Variants in CNTNAP2 observed in about 807,000 individuals in gnomAD.
CNTNAP2 encodes contactin associated protein 2, also known as contactin-associated protein-like 2.
A neutral mutation model predicts 155.2 loss-of-function variants in CNTNAP2; 98 were observed. The observed-to-expected ratio is 0.63, with a 90% CI of 0.54 to 0.75. The LOEUF (loss-of-function observed/expected upper bound fraction) is 0.75, where lower values mean the gene tolerates loss of function less well. CNTNAP2 is among the 30% of genes least tolerant of loss of function. The probability of loss-of-function intolerance (pLI) is 0.00; values close to 1 mark genes in which losing one functional copy is unlikely to be tolerated. For missense variants in CNTNAP2, 1,727 were observed against 1,688.1 expected (o/e 1.02, Z -0.40); for synonymous variants, 651 against 631.2 (o/e 1.03, Z -0.47).
intron 1 of CNTNAP2, among the ~76,000 whole-genome samples, chr7:146,651,415 G>A (rs754785376): frequency 6.6e-6 from 1 of 152,100 alleles, no homozygotes; most frequent in African/African-American, 2.4e-5. Flanking sequence ...ATGTATAAAT[G>A]CTATTTCACA....
intron 9 of CNTNAP2, among the ~76,000 whole-genome samples, chr7:147,316,418 A>G (rs1917597): frequency 0.53 from 79,864 of 151,920 alleles, 21,799 homozygotes; most frequent in East Asian, 0.73. Context: ...TGAGGTTAGC[A>G]TCATCAAGGG....
At chr7:146,260,912 C>T (rs1799909920) in intron 1 of CNTNAP2, among the ~76,000 whole-genome samples, 1 of 152,118 alleles carries the variant, frequency 6.6e-6, no homozygotes, top group African/African-American at 2.4e-5. Flanking sequence ...TATGGTTGGG[C>T]TCTGTGTTCC....
At chr7:147,523,593 G>C (rs1799266301) in intron 11 of CNTNAP2, among the ~76,000 whole-genome samples, 1 of 152,116 alleles carries the variant, frequency 6.6e-6, no homozygotes, top group Admixed American at 6.5e-5. Flanking sequence ...TCCTCTTCCA[G>C]GAAGCTCCCT....
At chr7:146,250,481 T>G (rs1175822890) in intron 1 of CNTNAP2, among the ~76,000 whole-genome samples, 1 of 152,178 alleles carries the variant, frequency 6.6e-6, no homozygotes, top group Non-Finnish European at 1.5e-5. Flanking sequence ...CTGTGTCTTG[T>G]CTATCTTGGT....
intron 20 of CNTNAP2, among the ~76,000 whole-genome samples, chr7:148,254,613 A>T (rs983494332): frequency 2.0e-5 from 3 of 152,032 alleles, no homozygotes; most frequent in African/African-American, 7.2e-5. Context: ...CGTCTCAACT[A>T]AAAATACAAA....
chr7:147,699,843 C>T (rs1290771338), intron 13 of CNTNAP2, among the ~76,000 whole-genome samples: 1 of 152,120 alleles, frequency 6.6e-6, no homozygotes, highest in Non-Finnish European at 1.5e-5. Flanking sequence ...CTCCCCACTC[C>T]CAGCTCCTTC....
Position 146,487,442 on chromosome 7 carries a change from A to C in CNTNAP2, c.98-286829A>C, listed in dbSNP as rs193127669. On this transcript the variant is annotated intron_variant, in intron 1 of 23. Coordinates refer to ENST00000361727, the MANE Select transcript of CNTNAP2 (RefSeq NM_014141.6). ...CTCTTCTTTTAAAATGGCAAAGTGC[A>C]ATGTCCTCCTAAGGAAGCTATGCTT... Among the ~76,000 whole-genome samples the C allele has an allele frequency of 5.3e-5, 8 of 152,312 alleles. No homozygotes were observed. The East Asian group carries it at 1.5e-3, about 29-fold the overall frequency.
intron 1 of CNTNAP2, among the ~76,000 whole-genome samples, chr7:146,204,543 C>T (rs1043174009): frequency 6.6e-6 from 1 of 151,908 alleles, no homozygotes. Context: ...ATGAAAATTG[C>T]CCAAATTCCA....
intron 1 of CNTNAP2, among the ~76,000 whole-genome samples, chr7:146,554,380 C>G (rs577118748): frequency 6.6e-6 from 1 of 152,220 alleles, no homozygotes; most frequent in South Asian, 2.1e-4. Context: ...ATATTTTGCT[C>G]CATAATAATT....
At chr7:147,812,245 C>T (rs2116608462) in intron 13 of CNTNAP2, among the ~76,000 whole-genome samples, 1 of 152,266 alleles carries the variant, frequency 6.6e-6, no homozygotes, top group South Asian at 2.1e-4. Context: ...GGCCGGTGTT[C>T]AGGAGTAAAC....
At chr7:147,039,793 A>G (rs763620241) in intron 3 of CNTNAP2, among the ~76,000 whole-genome samples, 6 of 152,214 alleles carry the variant, frequency 3.9e-5, no homozygotes, top group Non-Finnish European at 4.4e-5. Flanking sequence ...GCTCACCAAC[A>G]GTGTATAAGT....
chr7:146,482,657 C>T (rs1051638465), intron 1 of CNTNAP2, among the ~76,000 whole-genome samples: 8 of 151,794 alleles, frequency 5.3e-5, no homozygotes, highest in African/African-American at 1.4e-4. Flanking sequence ...GCAGGAGAAT[C>T]GCTTGAACCT....
At chr7:147,259,134 G>C (rs1804398942) in intron 8 of CNTNAP2, among the ~76,000 whole-genome samples, 1 of 152,178 alleles carries the variant, frequency 6.6e-6, no homozygotes, top group Admixed American at 6.5e-5. Context: ...ATGTATTTAA[G>C]TCTGTTCTCT....
chr7:148,346,520 C>T (rs1417741665), intron 21 of CNTNAP2, among the ~76,000 whole-genome samples: 2 of 152,120 alleles, frequency 1.3e-5, no homozygotes, highest in Non-Finnish European at 2.9e-5. Flanking sequence ...GCCTTTAATC[C>T]CAGCACTTTG....
intron 3 of CNTNAP2, among the ~76,000 whole-genome samples, chr7:146,978,280 G>T (rs531622020): frequency 6.8e-4 from 103 of 152,238 alleles, no homozygotes; most frequent in African/African-American, 2.4e-3. Flanking sequence ...AAGTGATAAG[G>T]TGGTTCAGTG....
At chr7:148,405,285 G>A (rs1267552667) in intron 22 of CNTNAP2, among the ~76,000 whole-genome samples, 1 of 152,084 alleles carries the variant, frequency 6.6e-6, no homozygotes. Flanking sequence ...CAAAACAATC[G>A]TGGAATATTT....
intron 1 of CNTNAP2, among the ~76,000 whole-genome samples, chr7:146,270,716 CTT>C (rs1800068161): frequency 6.6e-6 from 1 of 152,064 alleles, no homozygotes; most frequent in African/African-American, 2.4e-5. Context: ...AAAATGGTCT[CTT>C]AAAAAAGCAC....
At chr7:146,626,809 T>C (rs977122430) in intron 1 of CNTNAP2, among the ~76,000 whole-genome samples, 2 of 152,154 alleles carry the variant, frequency 1.3e-5, no homozygotes, top group Admixed American at 6.6e-5. Flanking sequence ...TGGTGTTCTT[T>C]ATGTGTACTT....
At chr7:146,926,422 C>T (rs775595746) in intron 3 of CNTNAP2, among the ~76,000 whole-genome samples, 1 of 152,060 alleles carries the variant, frequency 6.6e-6, no homozygotes, top group African/African-American at 2.4e-5. Context: ...GAGTTTATGT[C>T]TGAATTTGAA....
Sources: allele counts gnomAD v4.1 joint callset (sites outside exome capture counted in the v4.1 genomes callset), GRCh38; gene constraint gnomAD v4.1.1; transcripts MANE v1.5; gene names NCBI Gene and HGNC (gene_info 2026-07-23, HGNC 2026-07-21).